The following OSBPL3 variants were observed in gnomAD, a reference collection of about 807,000 sequenced individuals.
OSBPL3 encodes oxysterol binding protein like 3.
OSBPL3 carries 65 observed loss-of-function variants against 120.1 expected under a neutral mutation model. The ratio of observed to expected loss-of-function variants is 0.54; its 90% CI spans 0.44 to 0.67. OSBPL3 has a LOEUF of 0.67. Ranked by LOEUF, OSBPL3 falls within the 30% of genes least tolerant of loss-of-function variation. The pLI, the probability that OSBPL3 is intolerant of heterozygous loss-of-function variation, is 0.00. For synonymous variants in OSBPL3, 416 were observed against 402.6 expected, an observed-to-expected ratio of 1.03 and a Z score of -0.40; for missense variants, 1,004 against 1,082.1, an observed-to-expected ratio of 0.93 and a Z score of 1.01.
At chr7:24,816,070 C>T (rs1189186398) in intron 18 of OSBPL3, among the ~76,000 whole-genome samples, 3 of 152,202 alleles carry the variant, frequency 2.0e-5, no homozygotes, top group African/African-American at 7.2e-5. Flanking sequence ...TTCACCCAGG[C>T]TGGAGTGCAG....
intron 1 of OSBPL3, among the ~76,000 whole-genome samples, chr7:24,975,307 C>A (rs1441867060): frequency 2.0e-5 from 3 of 152,198 alleles, no homozygotes; most frequent in Non-Finnish European, 2.9e-5. Context: ...AGAACAGGTG[C>A]TTTTCATGGA....
chr7:24,929,845 A>C (rs1290440041), intron 1 of OSBPL3, among the ~76,000 whole-genome samples: 2 of 152,208 alleles, frequency 1.3e-5, no homozygotes, highest in African/African-American at 2.4e-5. Flanking sequence ...TAAGCTTTAA[A>C]TTGTGGAGTG....
rs1795274955 is a variant in OSBPL3 at position 24,822,826 on chromosome 7, A to T, written c.1885-2588T>A. 6.6e-6 allele frequency among the ~76,000 whole-genome samples: 1 copy of T among 152,224 alleles called. No homozygotes were observed. Among genetic ancestry groups the T allele is most frequent in the Admixed American group, 6.5e-5 (1 of 15,286 alleles). On this transcript the variant is annotated intron_variant, in intron 16 of 22. Transcript: ENST00000313367. This position sits in a 1 kb window ranked among gnomAD's most constrained non-coding sequence, Gnocchi z 5.8. ...ATAAAAACCCAACCTTGATTTTTTT[A>T]AACTATTGTGTTAGATAATGAATGA...
rs182004503 is a variant in OSBPL3, at chr7:24,834,963, A to G, written c.1496-227T>C. ...ACTTTATTCACAGGGAAGACCTTGA[A>G]TTGCTCCTCAAAACCTAGTTCCTCA... On this transcript the variant is annotated intron_variant, in intron 14 of 22. Transcript: ENST00000313367. This position sits in a 1 kb window ranked among gnomAD's most constrained non-coding sequence, Gnocchi z 5.2. 4.7e-4 allele frequency among the ~76,000 whole-genome samples: 72 copies of G among 152,322 alleles called. No individual in the cohort carries two copies. The highest frequency in any genetic ancestry group is 6.2e-4 in the South Asian group (3 of 4,828).
Position 24,863,583 on chromosome 7 carries a change from A to T in OSBPL3, c.690T>A (p.His230Gln). ...EKCSKDLAHCHAYLVEMSQLL... is the reference protein window; with the variant it reads ...EKCSKDLAHCQAYLVEMSQLL... ...GCTGGCTCATTTCTACCAGGTAGGC[A>T]TGACAGTGCGCCAGGTCTGTGGGGG... The change falls in exon 8 of 23, where the codon CAT (histidine) becomes CAA (glutamine). Residue 230 changes from histidine (H) to glutamine (Q), a missense_variant. Physicochemically the swap from His to Gln is conservative, Grantham distance 24 (BLOSUM62 0). This residue lies in a region of OSBPL3 where 272 missense variants were observed against 248.8 expected (regional missense o/e 1.09). Coordinates refer to ENST00000313367, the MANE Select transcript of OSBPL3 (RefSeq NM_015550.4). This position sits in a 1 kb window ranked among gnomAD's most constrained non-coding sequence, Gnocchi z 5.8. 6.2e-7 allele frequency: 1 copy of T among 1,613,594 alleles called. No individual in the cohort carries two copies. Among genetic ancestry groups the T allele is most frequent in the Non-Finnish European group, 8.5e-7 (1 of 1,179,480 alleles).
intron 13 of OSBPL3, among the ~76,000 whole-genome samples, chr7:24,841,342 T>C (rs566572543): frequency 1.3e-5 from 2 of 151,526 alleles, no homozygotes; most frequent in Admixed American, 6.6e-5. Flanking sequence ...TATGTCAAAT[T>C]CCATGATTAA....
chr7:24,934,604 T>G (rs1812173276), intron 1 of OSBPL3, among the ~76,000 whole-genome samples: 1 of 152,184 alleles, frequency 6.6e-6, no homozygotes, highest in Admixed American at 6.5e-5. Context: ...GAAATCAGGA[T>G]GAACCATATC....
In OSBPL3 at chr7:24,949,841, G is replaced by A. The variant is rs376924722; in HGVS notation, c.-150+30045C>T. On this transcript the variant is annotated intron_variant, in intron 1 of 22. Coordinates refer to ENST00000313367, the MANE Select transcript of OSBPL3 (RefSeq NM_015550.4). ...TTTCTCCTTCCCTGCCTCTCTCCCC[G>A]CTCCCTCAGCGCTGCTTCCTAAGAT... Among the ~76,000 whole-genome samples, 10 of 152,000 alleles carry A rather than the reference G, an allele frequency of 6.6e-5. No homozygotes were observed. In the East Asian group the frequency reaches 1.2e-3, roughly 18 times the overall value.
rs1394809476 is a variant in OSBPL3, at chr7:24,827,796, C to CA, written c.1884+2971_1884+2972insT. 1.3e-5 allele frequency among the ~76,000 whole-genome samples: 2 copies of CA among 152,126 alleles called. No homozygotes were observed. Among genetic ancestry groups the CA allele is most frequent in the Non-Finnish European group, 2.9e-5 (2 of 68,026 alleles). On this transcript the variant is annotated intron_variant, in intron 16 of 22. Coordinates refer to ENST00000313367, the MANE Select transcript of OSBPL3 (RefSeq NM_015550.4). This position sits in a 1 kb window ranked among gnomAD's most constrained non-coding sequence, Gnocchi z 5.1. ...ATGATGATCAGGACTGGTGGTATGA[C>CA]CATGGTGAAGCCAGCTGTGAGAACT...
intron 13 of OSBPL3, among the ~76,000 whole-genome samples, chr7:24,841,754 C>T (rs1304697193): frequency 1.4e-5 from 2 of 146,704 alleles, no homozygotes; most frequent in Non-Finnish European, 1.5e-5. Flanking sequence ...GCCTGTAATC[C>T]CAGCACTTTG....
chr7:24,869,731 G>C (rs931762339), intron 5 of OSBPL3, among the ~76,000 whole-genome samples: 1 of 152,194 alleles, frequency 6.6e-6, no homozygotes, highest in East Asian at 1.9e-4. Context: ...GTTAGGCTAG[G>C]AAATAGTGAA....
In OSBPL3 at chr7:24,922,900, G is replaced by A. The variant is rs930604988; in HGVS notation, c.-149-30279C>T. On this transcript the variant is annotated intron_variant, in intron 1 of 22. Coordinates refer to ENST00000313367, the MANE Select transcript of OSBPL3 (RefSeq NM_015550.4). The surrounding 1 kb of genome is among the most constrained non-coding windows in gnomAD (Gnocchi z 4.3). ...GCAAGCTTATTACTTTAGGGTCGAT[G>A]CAGCAAACAAACAAAAAAGCAAGTT... 1.3e-5 allele frequency among the ~76,000 whole-genome samples: 2 copies of A among 151,560 alleles called. No individual in the cohort carries two copies. The highest frequency in any genetic ancestry group is 2.9e-5 in the Non-Finnish European group (2 of 67,936).
intron 1 of OSBPL3, among the ~76,000 whole-genome samples, chr7:24,957,407 G>C (rs1352685066): frequency 6.6e-6 from 1 of 152,168 alleles, no homozygotes; most frequent in Non-Finnish European, 1.5e-5. Context: ...TTTCCACCTA[G>C]GGATAGAGAG....
intron 2 of OSBPL3, among the ~76,000 whole-genome samples, chr7:24,886,595 G>C (rs151290539): frequency 6.6e-6 from 1 of 152,298 alleles, no homozygotes; most frequent in East Asian, 1.9e-4. Context: ...AATTCAGTCC[G>C]ACGATTTGTA....
chr7:24,960,925 T>A (rs1305937166), intron 1 of OSBPL3, among the ~76,000 whole-genome samples: 1 of 152,208 alleles, frequency 6.6e-6, no homozygotes, highest in Non-Finnish European at 1.5e-5. Context: ...CTTGCCCACC[T>A]TCGGGAAGTG....
intron 6 of OSBPL3, 26 bp downstream of exon 6, chr7:24,866,044 T>C (rs577366528): frequency 5.6e-6 from 9 of 1,597,184 alleles, no homozygotes; most frequent in Middle Eastern, 1.7e-4. Context: ...CGTTCTCAGA[T>C]TCATTATTGG....
At position 24,863,992 on chromosome 7, in the gene OSBPL3, CCAT is replaced by C. The variant is rs142243913; in HGVS notation, c.674-396_674-394del. Among the ~76,000 whole-genome samples, 243 of 152,156 alleles carry C rather than the reference CCAT, an allele frequency of 1.6e-3. 1 individual carries two copies. The highest frequency in any genetic ancestry group is 5.2e-3 in the African/African-American group (214 of 41,520). On this transcript the variant is annotated intron_variant, in intron 7 of 22. Transcript: ENST00000313367. The surrounding 1 kb of genome is among the most constrained non-coding windows in gnomAD (Gnocchi z 5.8). ...ACAGAGTAAGAACTAAATAAATCAACCATCATCATCATCATCATCACCAACTTA... is the reference window on the plus strand; with the variant it reads ...ACAGAGTAAGAACTAAATAAATCAACCATCATCATCATCATCACCAACTTA...
chr7:24,904,985 C>T (rs971446713), intron 1 of OSBPL3, among the ~76,000 whole-genome samples: 2 of 142,316 alleles, frequency 1.4e-5, no homozygotes, highest in Admixed American at 7.1e-5. Flanking sequence ...GGAACTAGAA[C>T]AGTGTACTGC....
intron 1 of OSBPL3, among the ~76,000 whole-genome samples, chr7:24,958,374 T>C (rs532141321): frequency 6.6e-6 from 1 of 152,280 alleles, no homozygotes; most frequent in African/African-American, 2.4e-5. Flanking sequence ...AGAAAATCTA[T>C]TTCATGCCCT....
Sources: allele counts gnomAD v4.1 joint callset (sites outside exome capture counted in the v4.1 genomes callset), GRCh38; gene constraint gnomAD v4.1.1; regional missense constraint gnomAD v4.1.1; non-coding constraint Gnocchi (gnomAD v3.1); transcripts MANE v1.5; gene names NCBI Gene and HGNC (gene_info 2026-07-23, HGNC 2026-07-21).